Variants in RUFY1 observed in about 807,000 individuals in gnomAD.
RUFY1 encodes RUN and FYVE domain-containing protein 1.
A neutral mutation model predicts 94.6 loss-of-function variants in RUFY1; 54 were observed. The ratio of observed to expected loss-of-function variants is 0.57; its 90% CI spans 0.46 to 0.72. RUFY1 has a LOEUF of 0.72. Among genes scored for constraint, RUFY1 ranks in the 30% least tolerant of loss-of-function variants. The probability of loss-of-function intolerance (pLI) is 0.00; values close to 1 mark genes in which losing one functional copy is unlikely to be tolerated. For missense variants in RUFY1, 883 were observed against 883.9 expected (o/e 1.00, Z 0.01); for synonymous variants, 396 against 347.3 (o/e 1.14, Z -1.56).
At chr5:179,562,796 T>G in intron 3 of RUFY1, 132 bp downstream of exon 3, 15 of 639,688 alleles carry the variant, frequency 2.3e-5, no homozygotes, top group Non-Finnish European at 3.1e-5. Flanking sequence ...ACATGATCTC[T>G]AGCAAGACTT....
At chr5:179,563,514 G>T (rs2127515853) in intron 3 of RUFY1, among the ~76,000 whole-genome samples, 1 of 152,280 alleles carries the variant, frequency 6.6e-6, no homozygotes, top group Middle Eastern at 3.4e-3. Flanking sequence ...GGTCTGTTAT[G>T]CCTTGAAGCC....
At chr5:179,586,733 A>T (rs143428967) in intron 8 of RUFY1, among the ~76,000 whole-genome samples, 136 of 152,290 alleles carry the variant, frequency 8.9e-4, no homozygotes, top group African/African-American at 3.0e-3. Flanking sequence ...GGTGTCACAG[A>T]TGGGGGTGTC....
chr5:179,577,411 C>T (rs1396852681), intron 6 of RUFY1, among the ~76,000 whole-genome samples: 1 of 151,104 alleles, frequency 6.6e-6, no homozygotes, highest in Non-Finnish European at 1.5e-5. Flanking sequence ...GTGATCGGCC[C>T]GTCTCGGCCT....
chr5:179,604,716 T>C (rs186260003), intron 15 of RUFY1, among the ~76,000 whole-genome samples: 6 of 152,288 alleles, frequency 3.9e-5, no homozygotes, highest in Non-Finnish European at 7.3e-5. Flanking sequence ...GCGTGGGGGC[T>C]CAGGCCTCTA....
chr5:179,561,700 T>TTTTTTTTTTTTTTTG (rs764059834), intron 2 of RUFY1, among the ~76,000 whole-genome samples: 5 of 95,616 alleles, frequency 5.2e-5, no homozygotes, highest in Non-Finnish European at 8.3e-5. Context: ...TTTTTTTTTT[T>TTTTTTTTTTTTTTTG]TTTGAAGAGT....
chr5:179,593,509 G>A lies in RUFY1; in HGVS notation c.1277G>A (p.Gly426Glu), dbSNP rs1299611240. ...ELEKELELQI[G>E]MKTEMEIAMK... ...GAAAAAGAACTGGAGTTACAAATTG[G>A]AATGAAAACCGAAATGGAAATTGCA... The change falls in exon 11 of 18, where the codon GGA becomes GAA. Residue 426 changes from glycine to glutamate, a missense_variant. Transcript: ENST00000319449. 1 of 1,608,568 alleles carries A rather than the reference G, an allele frequency of 6.2e-7. No homozygotes were observed. Among genetic ancestry groups the A allele is most frequent in the Non-Finnish European group, 8.5e-7 (1 of 1,175,066 alleles).
chr5:179,561,874 C>T (rs1359203984), intron 2 of RUFY1, among the ~76,000 whole-genome samples: 1 of 149,254 alleles, frequency 6.7e-6, no homozygotes, highest in East Asian at 2.0e-4. Context: ...TTAGTAGAGA[C>T]GGAGTTTCAC....
intron 9 of RUFY1, 29 bp from the exon 10 acceptor site, chr5:179,591,596 A>G (rs753975092): frequency 3.6e-6 from 5 of 1,380,392 alleles, no homozygotes; most frequent in Middle Eastern, 1.8e-4. Context: ...TAAGCAAACA[A>G]TTCCTCTTGG....
intron 9 of RUFY1, 116 bp from the exon 10 acceptor site, chr5:179,591,509 T>C (rs1184740333): frequency 6.8e-6 from 5 of 734,204 alleles, no homozygotes; most frequent in South Asian, 3.4e-5. Flanking sequence ...TCTACCATGC[T>C]TAAAAAATAA....
At chr5:179,609,301 G>A in intron 17 of RUFY1, 75 bp from the exon 18 acceptor site, 3 of 1,495,394 alleles carry the variant, frequency 2.0e-6, no homozygotes, top group South Asian at 1.2e-5. Flanking sequence ...ATGCGCTTCT[G>A]GGTCAGGAAG....
Position 179,560,120 on chromosome 5 carries a change from C to G in RUFY1, c.406C>G (p.Arg136Gly), listed in dbSNP as rs1240254359. The G allele has an allele frequency of 1.2e-6, 2 of 1,614,024 alleles. No homozygotes were observed. Among genetic ancestry groups the G allele is most frequent in the Admixed American group, 1.7e-5 (1 of 59,988 alleles). The change falls in exon 2 of 18, where the codon CGC becomes GGC. Residue 136 changes from arginine (R) to glycine (G), a missense_variant. Arg to Gly is a moderately radical substitution (Grantham distance 125). Coordinates refer to ENST00000319449, the MANE Select transcript of RUFY1 (RefSeq NM_025158.5). Reference protein sequence around the residue: ...VLLQSALSLGRSLDADHAPLQ... With the variant: ...VLLQSALSLGGSLDADHAPLQ... ...GCTCCAGTCGGCTCTGAGCCTGGGC[C>G]GCAGCCTGGATGCGGACCATGCCCC...
At chr5:179,601,039 G>C (rs550737512) in intron 14 of RUFY1, among the ~76,000 whole-genome samples, 67 of 152,176 alleles carry the variant, frequency 4.4e-4, no homozygotes, top group African/African-American at 1.6e-3. Flanking sequence ...TAACTATCCT[G>C]TCCCATGTCT....
Position 179,576,641 on chromosome 5 carries a change from G to A in RUFY1, c.829-434G>A, listed in dbSNP as rs541038695. 3.3e-5 allele frequency among the ~76,000 whole-genome samples: 5 copies of A among 152,126 alleles called. No homozygotes were observed. The East Asian group carries it at 5.8e-4, about 18-fold the overall frequency. ...TCACCATGCTGGCCAGGCTGGTTTC[G>A]AACTCCTGACCTCAGGCAATCCACC... is the stretch of plus-strand genomic sequence containing the variant. On this transcript the variant is annotated intron_variant, in intron 5 of 17. Coordinates refer to ENST00000319449, the MANE Select transcript of RUFY1 (RefSeq NM_025158.5).
At chr5:179,573,288 T>A (rs974547773) in intron 5 of RUFY1, among the ~76,000 whole-genome samples, 1 of 152,194 alleles carries the variant, frequency 6.6e-6, no homozygotes, top group Non-Finnish European at 1.5e-5. Context: ...GAATAAAAAC[T>A]CCATTGAGAT....
chr5:179,558,609 GCTTTA>G (rs1762228220), intron 1 of RUFY1, among the ~76,000 whole-genome samples: 1 of 151,190 alleles, frequency 6.6e-6, no homozygotes, highest in Non-Finnish European at 1.5e-5. Flanking sequence ...CCAACGAAAT[GCTTTA>G]CTTAAGCCAC....
intron 7 of RUFY1, among the ~76,000 whole-genome samples, chr5:179,584,853 G>A (rs1312498077): frequency 1.3e-5 from 2 of 152,078 alleles, no homozygotes; most frequent in East Asian, 1.9e-4. Flanking sequence ...AAACACCTTG[G>A]GACCGGGCGC....
intron 9 of RUFY1, among the ~76,000 whole-genome samples, chr5:179,591,310 A>C (rs955002965): frequency 2.6e-5 from 4 of 151,376 alleles, no homozygotes; most frequent in African/African-American, 9.7e-5. Context: ...TCAGCCTCCC[A>C]AGTAGCTGGG....
At position 179,550,843 on chromosome 5, in the gene RUFY1, G is replaced by A; in HGVS notation, c.274G>A (p.Gly92Ser). The A allele has an allele frequency of 1.6e-6, 2 of 1,224,878 alleles. No homozygotes were observed. The highest frequency in any genetic ancestry group is 2.0e-6 in the Non-Finnish European group (2 of 987,110). 75.9% of individuals were successfully genotyped at this position (1,224,878 alleles called of 1,614,324 possible). ...CGCGCTGCGCGCGGCCGCGGGGCTG[G>A]GCGGCGGGGACAGCGGGGACGGCAC... ...GSALRAAAGL[G>S]GGDSGDGTAR... is the part of the protein sequence containing the mutation. Residue 92 changes from glycine (G) to serine (S), a missense_variant, in exon 1 of 18, where the codon GGC (glycine) becomes AGC (serine). By Grantham distance (56) the Gly-to-Ser change is moderately conservative. Transcript: ENST00000319449.
intron 2 of RUFY1, among the ~76,000 whole-genome samples, chr5:179,560,744 GAAAA>G (rs1332261610): frequency 7.4e-6 from 1 of 136,012 alleles, no homozygotes. Context: ...AAAAAAAAAA[GAAAA>G]AAGAAAAAAA....
Sources: allele counts gnomAD v4.1 joint callset (sites outside exome capture counted in the v4.1 genomes callset), GRCh38; gene constraint gnomAD v4.1.1; transcripts MANE v1.5; gene names NCBI Gene and HGNC (gene_info 2026-07-23, HGNC 2026-07-21).